The following STOML1 variants were observed in gnomAD, a reference collection of about 807,000 sequenced individuals.
STOML1 encodes the protein stomatin-like protein 1.
STOML1 carries 27 observed loss-of-function variants against 35.7 expected under a neutral mutation model. The ratio of observed to expected loss-of-function variants is 0.76; its 90% CI spans 0.56 to 1.04. The LOEUF is 1.04. Among genes scored for constraint, STOML1 ranks in the 50% least tolerant of loss-of-function variants. The pLI is 0.00. For missense variants in STOML1, 451 were observed against 527.1 expected (o/e 0.86, Z 1.41); for synonymous variants, 219 against 227.9 (o/e 0.96, Z 0.35).
rs1429506016 is a variant in STOML1 at position 73,984,667 on chromosome 15, A to C, written c.995T>G (p.Leu332Arg). The C allele has an allele frequency of 6.2e-7, 1 of 1,614,112 alleles. No homozygotes were observed. The highest frequency in any genetic ancestry group is 1.1e-5 in the South Asian group (1 of 91,086). The change falls in exon 6 of 7, where the codon CTC (leucine) becomes CGC (arginine). Residue 332 changes from leucine to arginine, a missense_variant. Leu to Arg is a moderately radical substitution (Grantham distance 102, BLOSUM62 -2). Transcript: ENST00000541638. ...AAGGAGGGCAGCGGCACCTGTAGTG[A>C]GGTCCAGGAAGTAGGCGCTTTGGGT... Reference protein sequence around the residue: ...SGTQSAYFLDLTTGRGRVGHG... With the variant: ...SGTQSAYFLDRTTGRGRVGHG...
chr15:73,989,195 TC>T lies in STOML1; in HGVS notation c.302del (p.Gly101AspfsTer19). 6.2e-7 allele frequency: 1 copy of T among 1,612,652 alleles called. No homozygotes were observed. Among genetic ancestry groups the T allele is most frequent in the Non-Finnish European group, 8.5e-7 (1 of 1,179,172 alleles). On this transcript the variant is annotated frameshift_variant, in exon 3 of 7. Transcript: ENST00000541638. LOFTEE classifies it high-confidence loss of function. ...FRLGRIRTPQ[G>X]PGMVLLLPFI... ...AGGGCAAGAGCAGAACCATGCCAGG[TC>T]CCTGGGGGGTGCGGATCCGGCCCAG...
chr15:73,990,534 T>C, intron 1 of STOML1, 77 bp from the exon 2 acceptor site: 1 of 1,345,862 alleles, frequency 7.4e-7, no homozygotes, highest in African/African-American at 1.5e-5. Context: ...CAAGTGTACC[T>C]TACGCCCACC....
Position 73,983,913 on chromosome 15 carries a change from G to A in STOML1, c.*24C>T. ...GGCTTGGTGCCAGGCTTGGGACTGGGCTCTGGAAAGTCAGCCAAGGCTGCT... is the reference window on the plus strand; with the variant it reads ...GGCTTGGTGCCAGGCTTGGGACTGGACTCTGGAAAGTCAGCCAAGGCTGCT... On this transcript the variant is annotated 3_prime_UTR_variant, in exon 7 of 7. Transcript: ENST00000541638. The A allele has an allele frequency of 3.1e-6, 5 of 1,601,548 alleles. No homozygotes were observed. In the South Asian group the frequency reaches 5.5e-5, roughly 18 times the overall value.
In STOML1 at chr15:73,984,025, A is replaced by G. The variant is rs761799346; in HGVS notation, c.1109T>C (p.Leu370Pro). The change falls in exon 7 of 7, where the codon CTG (leucine) becomes CCG (proline). Residue 370 changes from leucine (L) to proline (P), a missense_variant. Transcript: ENST00000541638. ...CAGCCGTCCACTCATGTAGGCCCCC[A>G]GGGGCCGCAGCTCTCTGCATAGCAG... ...RALLCRELRP[L>P]GAYMSGRLKV... The G allele has an allele frequency of 5.6e-6, 9 of 1,613,918 alleles. No homozygotes were observed. The East Asian group carries it at 1.3e-4, about 24-fold the overall frequency.
At position 73,985,323 on chromosome 15, in the gene STOML1, C is replaced by T; in HGVS notation, c.785G>A (p.Gly262Glu). 2 of 1,529,860 alleles carry T rather than the reference C, an allele frequency of 1.3e-6. No homozygotes were observed. The highest frequency in any genetic ancestry group is 1.7e-6 in the Non-Finnish European group (2 of 1,144,924). 94.8% of individuals were successfully genotyped at this position (1,529,860 alleles called of 1,614,324 possible). ...NSMAGGAPSP[G>E]PADTVEMVSE... Reference sequence around the variant, plus strand: ...TCCTCCCCAGGGCTCCTCACCTGGCCCCGGGGACGGGGCACCTCCTGCCAT... The same window carrying T: ...TCCTCCCCAGGGCTCCTCACCTGGCTCCGGGGACGGGGCACCTCCTGCCAT... The change falls in exon 5 of 7, where the codon GGG becomes GAG. Residue 262 changes from glycine (G) to glutamate (E), a missense_variant. Physicochemically the swap from Gly to Glu is moderately conservative, Grantham distance 98. Coordinates refer to ENST00000541638, the MANE Select transcript of STOML1 (RefSeq NM_004809.5).
At chr15:73,985,197 T>C in intron 5 of STOML1, 121 bp downstream of exon 5, 2 of 1,229,116 alleles carry the variant, frequency 1.6e-6, no homozygotes, top group East Asian at 5.1e-5. Flanking sequence ...TTGGCTGTGG[T>C]CAGTGTGGGC....
chr15:73,988,360 G>A lies in STOML1; in HGVS notation c.594+239C>T, dbSNP rs2069158074. Reference sequence around the variant, plus strand: ...TAAGGGGCAGACCCCAAGAATGTCTGCCGGGGCCACTTCCTCTTCTCAGGG... The same window carrying A: ...TAAGGGGCAGACCCCAAGAATGTCTACCGGGGCCACTTCCTCTTCTCAGGG... On this transcript the variant is annotated intron_variant, in intron 4 of 6. Transcript: ENST00000541638. This position sits in a 1 kb window ranked among gnomAD's most constrained non-coding sequence, Gnocchi z 4.8. 3 of 539,178 alleles carry A rather than the reference G, an allele frequency of 5.6e-6. No homozygotes were observed. Among genetic ancestry groups the A allele is most frequent in the Non-Finnish European group, 9.9e-6 (3 of 301,698 alleles). The allele number at this position is 539,178 out of a possible 1,614,324, so 33.4% of individuals were successfully genotyped here.
rs1206149114 is a variant in STOML1 at position 73,979,187 on chromosome 15, G to A, written c.*4750C>T. The A allele has an allele frequency of 6.6e-6, 1 of 152,164 alleles. No individual in the cohort carries two copies. Among genetic ancestry groups the A allele is most frequent in the Non-Finnish European group, 1.5e-5 (1 of 68,048 alleles). The allele number at this position is 152,164 out of a possible 1,614,324, so 9.4% of individuals were successfully genotyped here. A position where few individuals can be genotyped will look rare whatever the true frequency, so the allele number is the denominator to read the frequency against. On this transcript the variant is annotated 3_prime_UTR_variant, in exon 7 of 7. Transcript: ENST00000541638. ...AAGTGAAATGTGATCAGCGGTTATG[G>A]AAAGGTCAGTGGCTGCTCAAAGCTG...
At position 73,982,216 on chromosome 15, in the gene STOML1, CA is replaced by C. The variant is rs1179841122; in HGVS notation, c.*1720del. 4 of 152,518 alleles carry C rather than the reference CA, an allele frequency of 2.6e-5. No individual in the cohort carries two copies. Among genetic ancestry groups the C allele is most frequent in the African/African-American group, 7.2e-5 (3 of 41,454 alleles). 9.4% of individuals were successfully genotyped at this position (152,518 alleles called of 1,614,324 possible). The stretch of plus-strand genomic sequence containing the variant: ...CATATATGCAAGGAGCAGAAACACA[CA>C]ATGTGGAATGGGTGCAGAGAGCCAG... On this transcript the variant is annotated 3_prime_UTR_variant, in exon 7 of 7. Coordinates refer to ENST00000541638, the MANE Select transcript of STOML1 (RefSeq NM_004809.5).
Position 73,984,796 on chromosome 15 carries a change from G to A in STOML1, c.866C>T (p.Pro289Leu). 1.2e-6 allele frequency: 2 copies of A among 1,614,152 alleles called. No homozygotes were observed. The highest frequency in any genetic ancestry group is 1.7e-6 in the Non-Finnish European group (2 of 1,180,028). ...QVGARSSPKQ[P>L]LAEGLLTALQ... is the part of the protein sequence containing the mutation. ...AGCAGTCAGTAGCCCCTCCGCCAGA[G>A]GCTGCTTCGGACTGGACCTGGCACC... The change falls in exon 6 of 7, where the codon CCT (proline) becomes CTT (leucine). Residue 289 changes from proline to leucine, a missense_variant. Physicochemically the swap from Pro to Leu is moderately conservative, Grantham distance 98. Transcript: ENST00000541638.
chr15:73,990,860 A>G, intron 1 of STOML1: 1 of 1,535,692 alleles, frequency 6.5e-7, no homozygotes, highest in Non-Finnish European at 8.7e-7. Flanking sequence ...ACATGCACTG[A>G]ATACTGCTGG....
At chr15:73,985,683 T>G in intron 4 of STOML1, 170 bp from the exon 5 acceptor site, 1 of 795,210 alleles carries the variant, frequency 1.3e-6, no homozygotes, top group Non-Finnish European at 1.9e-6. Flanking sequence ...CTGTGGTAAG[T>G]GCCAAGACAG....
chr15:73,990,478 G>A, intron 1 of STOML1, 21 bp from the exon 2 acceptor site: 2 of 1,575,356 alleles, frequency 1.3e-6, no homozygotes, highest in African/African-American at 3.1e-5. Flanking sequence ...GAGCAGAGGT[G>A]GTCAACTGGA....
chr15:73,984,107 C>T lies in STOML1; in HGVS notation c.1027G>A (p.Val343Met), dbSNP rs755948842. The T allele has an allele frequency of 3.1e-6, 5 of 1,613,086 alleles. No individual in the cohort carries two copies. Among genetic ancestry groups the T allele is most frequent in the Non-Finnish European group, 4.2e-6 (5 of 1,179,390 alleles). ...TTGRGRVGHG[V>M]PDGIPDVVVE... ...ACCACATCAGGGATGCCATCAGGCACCCCGTGTCCCACTCTTCCTCGTCCT... is the reference window on the plus strand; with the variant it reads ...ACCACATCAGGGATGCCATCAGGCATCCCGTGTCCCACTCTTCCTCGTCCT... The change falls in exon 7 of 7, where the codon GTG (valine) becomes ATG (methionine). Residue 343 changes from valine (V) to methionine (M), a missense_variant. Coordinates refer to ENST00000541638, the MANE Select transcript of STOML1 (RefSeq NM_004809.5).
In STOML1 at chr15:73,988,186, C is replaced by T. The variant is rs992194242; in HGVS notation, c.594+413G>A. On this transcript the variant is annotated intron_variant, in intron 4 of 6. Transcript: ENST00000541638. This position sits in a 1 kb window ranked among gnomAD's most constrained non-coding sequence, Gnocchi z 4.8. ...GAAACAAAAATCACAAGCATGCACA[C>T]GCTGCATGGTGAGCCTGGAATTCCC... The T allele has an allele frequency of 2.1e-5, 4 of 187,520 alleles. No homozygotes were observed. The highest frequency in any genetic ancestry group is 1.1e-4 in the South Asian group (1 of 8,822). 11.6% of individuals were successfully genotyped at this position (187,520 alleles called of 1,614,324 possible).
chr15:73,984,048 C>G lies in STOML1; in HGVS notation c.1086G>C (p.Leu362=). 1.2e-6 allele frequency: 2 copies of G among 1,614,086 alleles called. No homozygotes were observed. Among genetic ancestry groups the G allele is most frequent in the South Asian group, 2.2e-5 (2 of 91,092 alleles). Residue 362 remains leucine, a synonymous_variant, in exon 7 of 7, where the codon CTG becomes CTC. Transcript: ENST00000541638. ...VEMAEADLRA[L]LCRELRPLGA... ...CCAGGGGCCGCAGCTCTCTGCATAG[C>G]AGGGCCCGCAGGTCTGCCTCGGCCA...
chr15:73,984,151 G>T, intron 6 of STOML1, 21 bp from the exon 7 acceptor site: 3 of 1,601,148 alleles, frequency 1.9e-6, no homozygotes, highest in East Asian at 2.2e-5. Context: ...AAAGAAAACC[G>T]AGTGTCAGTA....
intron 5 of STOML1, 78 bp from the exon 6 acceptor site, chr15:73,984,949 G>T: frequency 6.5e-7 from 1 of 1,530,818 alleles, no homozygotes; most frequent in South Asian, 1.1e-5. Flanking sequence ...CACTCACTGT[G>T]GCCTCTGCAC....
At position 73,985,493 on chromosome 15, in the gene STOML1, G is replaced by A. The variant is rs766032085; in HGVS notation, c.615C>T (p.Thr205=). 2 of 1,542,610 alleles carry A rather than the reference G, an allele frequency of 1.3e-6. No individual in the cohort carries two copies. Among genetic ancestry groups the A allele is most frequent in the Non-Finnish European group, 1.7e-6 (2 of 1,145,144 alleles). ...GGTCTACCTCCAGCCCCCAGGCCCT[G>A]GTCACATCGTTGATCTCCAGCTGGA... The part of the protein sequence containing the change: ...DQLLLEINDV[T]RAWGLEVDRV... The change falls in exon 5 of 7, where the codon ACC becomes ACT. Residue 205 remains threonine, a synonymous_variant. Transcript: ENST00000541638.
Sources: gnomAD v4.1 joint callset for allele counts on GRCh38, gnomAD v4.1.1 for gene constraint, Gnocchi (gnomAD v3.1) non-coding constraint, MANE v1.5 for transcripts, NCBI Gene and HGNC (gene_info 2026-07-23, HGNC 2026-07-21) for gene names.